The following ESPNL variants were observed in gnomAD, a reference collection of about 807,000 sequenced individuals.
ESPNL encodes espin like.
In ESPNL, 49 loss-of-function variants were observed where a neutral mutation model predicts 46.8. The observed-to-expected ratio is 1.05, with a 90% CI of 0.83 to 1.33. The LOEUF (loss-of-function observed/expected upper bound fraction) is 1.33. Ranked by LOEUF, ESPNL falls within the 40% of genes most tolerant of loss-of-function variation. The pLI is 0.00. For synonymous variants in ESPNL, 664 were observed against 662.1 expected (o/e 1.00, Z -0.04); for missense variants, 1,540 against 1,436.6 (o/e 1.07, Z -1.16).
At chr2:238,118,792 GGT>G (rs1691896392) in intron 5 of ESPNL, among the ~76,000 whole-genome samples, 1 of 103,144 alleles carries the variant, frequency 9.7e-6, no homozygotes, top group Non-Finnish European at 2.0e-5. Flanking sequence ...GATGGAGGAG[GGT>G]GGATGGAGGA....
chr2:238,103,982 G>T (rs1691540294), intron 2 of ESPNL, among the ~76,000 whole-genome samples: 1 of 152,204 alleles, frequency 6.6e-6, no homozygotes. Flanking sequence ...CCCTCTGCCA[G>T]CTGAGGCCTG....
At position 238,130,620 on chromosome 2, in the gene ESPNL, C is replaced by T. The variant is rs577017892; in HGVS notation, c.1906C>T (p.Pro636Ser). Residue 636 changes from proline to serine, a missense_variant, in exon 9 of 9, where the codon CCC (proline) becomes TCC (serine). Physicochemically the swap from Pro to Ser is moderately conservative, Grantham distance 74. Transcript: ENST00000343063. ...CACCTGCAGGGAGGCCTCGGCCAGC[C>T]CCCCTCGGAGCGAGGCCCAGCGCCA... ...QDTCREASAS[P>S]PRSEAQRQIQ... 87 of 1,563,382 alleles carry T rather than the reference C, an allele frequency of 5.6e-5. No individual in the cohort carries two copies. In the African/African-American group the frequency reaches 1.1e-3, roughly 19 times the overall value.
chr2:238,116,855 A>G, intron 4 of ESPNL, 48 bp from the exon 5 acceptor site: 1 of 1,599,854 alleles, frequency 6.3e-7, no homozygotes, highest in South Asian at 1.1e-5. Flanking sequence ...TCCCATGGGC[A>G]CCTGGTTTGT....
Position 238,112,964 on chromosome 2 carries a change from G to A in ESPNL, c.856-3939G>A, listed in dbSNP as rs956312887. On this transcript the variant is annotated intron_variant, in intron 4 of 8. Transcript: ENST00000343063. ...AGACTGTAGAGTTTGCAGACTGTTC[G>A]CTACATGTCCATTATGTCATTGTGT... Among the ~76,000 whole-genome samples the A allele has an allele frequency of 3.5e-4, 54 of 152,264 alleles. 1 individual carries two copies. The highest frequency in any genetic ancestry group is 1.0e-3 in the African/African-American group (43 of 41,564).
In ESPNL at chr2:238,116,077, T is replaced by G. The variant is rs1393209726; in HGVS notation, c.856-826T>G. ...CATTTGGGTCAAAGGCACAGTTTTGTGAACACAGCGTTCGCCTAACTCGAG... is the reference window on the plus strand; with the variant it reads ...CATTTGGGTCAAAGGCACAGTTTTGGGAACACAGCGTTCGCCTAACTCGAG... On this transcript the variant is annotated intron_variant, in intron 4 of 8. Transcript: ENST00000343063. 3.9e-5 allele frequency among the ~76,000 whole-genome samples: 6 copies of G among 152,266 alleles called. No homozygotes were observed. In the East Asian group the frequency reaches 1.2e-3, roughly 29 times the overall value.
intron 6 of ESPNL, among the ~76,000 whole-genome samples, 163 bp downstream of exon 6, chr2:238,125,547 G>A (rs1260340325): frequency 6.6e-6 from 1 of 152,256 alleles, no homozygotes; most frequent in Non-Finnish European, 1.5e-5. Flanking sequence ...ACTGTCTTTG[G>A]TGCTTTGGAA....
At chr2:238,128,653 C>T in intron 7 of ESPNL, 54 bp from the exon 8 acceptor site, 3 of 1,516,436 alleles carry the variant, frequency 2.0e-6, no homozygotes, top group East Asian at 2.5e-5. Context: ...ATCTTCCCTC[C>T]ACTCAGGGCC....
intron 6 of ESPNL, among the ~76,000 whole-genome samples, chr2:238,126,853 TTG>T (rs1368804784): frequency 2.0e-5 from 3 of 150,172 alleles, no homozygotes; most frequent in South Asian, 2.1e-4. Context: ...CTGTGTGTGA[TTG>T]TGTCTGCGTG....
intron 5 of ESPNL, among the ~76,000 whole-genome samples, chr2:238,123,736 T>G (rs1027276955): frequency 6.6e-6 from 1 of 152,130 alleles, no homozygotes; most frequent in Non-Finnish European, 1.5e-5. Flanking sequence ...TCTGAGGGCC[T>G]CCGGGGCTGG....
chr2:238,104,938 TG>T, intron 3 of ESPNL, 96 bp downstream of exon 3: 2 of 1,129,810 alleles, frequency 1.8e-6, no homozygotes, highest in Non-Finnish European at 2.4e-6. Context: ...CAGAGGGAAC[TG>T]GGGACACGCA....
At position 238,132,807 on chromosome 2, in the gene ESPNL, C is replaced by G. The variant is rs1692373202; in HGVS notation, c.*1075C>G. ...CTCTGGGGCTGAGGAGGGCTGGGCC[C>G]AAGCCCACAGGGACTTTGGAGGTGG... On this transcript the variant is annotated 3_prime_UTR_variant, in exon 9 of 9. Coordinates refer to ENST00000343063, the MANE Select transcript of ESPNL (RefSeq NM_194312.4). The G allele has an allele frequency of 6.6e-6, 1 of 152,340 alleles. No individual in the cohort carries two copies. The allele number at this position is 152,340 out of a possible 1,614,324, so 9.4% of individuals were successfully genotyped here.
At chr2:238,125,238 G>T in intron 5 of ESPNL, 32 bp from the exon 6 acceptor site, 3 of 1,089,340 alleles carry the variant, frequency 2.8e-6, no homozygotes, top group Non-Finnish European at 3.9e-6. Context: ...GCCCACGGGG[G>T]TCCCCCACTG....
rs1372868504 is a variant in ESPNL, at chr2:238,130,139, G to A, written c.1425G>A (p.Gly475=). ...CTTCCTGTGCCCAGGACAATGGTGG[G>A]AGCTCAGGCCCCACGGAGCAGGCGG... ...ESSAEAQDNG[G]SSGPTEQAAW... Residue 475 remains glycine, a synonymous_variant, in exon 9 of 9, where the codon GGG becomes GGA. Transcript: ENST00000343063. The A allele has an allele frequency of 6.2e-7, 1 of 1,609,854 alleles. No individual in the cohort carries two copies.
chr2:238,125,257 C>T lies in ESPNL; in HGVS notation c.988-13C>T. 1 of 1,405,840 alleles carries T rather than the reference C, an allele frequency of 7.1e-7. No homozygotes were observed. The highest frequency in any genetic ancestry group is 9.6e-7 in the Non-Finnish European group (1 of 1,039,262). 87.1% of individuals were successfully genotyped at this position (1,405,840 alleles called of 1,614,324 possible). The stretch of plus-strand genomic sequence containing the variant: ...ACGGGGGTCCCCCACTGACCAGGCC[C>T]ATTCACCCACAGGTGCCCCTGCTGA... On this transcript the variant is annotated splice_polypyrimidine_tract_variant and intron_variant, in intron 5 of 8. Coordinates refer to ENST00000343063, the MANE Select transcript of ESPNL (RefSeq NM_194312.4).
chr2:238,102,812 C>T (rs571505516), intron 2 of ESPNL, among the ~76,000 whole-genome samples: 3 of 152,184 alleles, frequency 2.0e-5, no homozygotes, highest in Non-Finnish European at 2.9e-5. Flanking sequence ...TGGCTGAGGG[C>T]GAACCTTCCT....
intron 8 of ESPNL, among the ~76,000 whole-genome samples, 170 bp from the exon 9 acceptor site, chr2:238,129,958 G>A (rs1184011908): frequency 6.6e-6 from 1 of 152,258 alleles, no homozygotes; most frequent in Non-Finnish European, 1.5e-5. Flanking sequence ...AGCAAGACGG[G>A]CAGAGCAGGT....
chr2:238,123,941 AGCCTG>A (rs1019710971), intron 5 of ESPNL, among the ~76,000 whole-genome samples: 6 of 152,262 alleles, frequency 3.9e-5, no homozygotes, highest in African/African-American at 1.2e-4. Flanking sequence ...GCTGGGAGGC[AGCCTG>A]TGCCACCTTG....
Position 238,107,966 on chromosome 2 carries a change from A to G in ESPNL, c.848A>G (p.Gln283Arg). 3 of 1,611,284 alleles carry G rather than the reference A, an allele frequency of 1.9e-6. No homozygotes were observed. The South Asian group carries it at 3.3e-5, about 18-fold the overall frequency. The change falls in exon 4 of 9, where the codon CAG becomes CGG. Residue 283 changes from glutamine (Q) to arginine (R), a missense_variant. Transcript: ENST00000343063. ...TPLHDAAENG[Q>R]MECCQTLVSH... is the part of the protein sequence containing the mutation. ...CTCCACGACGCAGCAGAGAACGGGCAGATGGAGGTAAGGTGGGCGTGAGGG... is the reference window on the plus strand; with the variant it reads ...CTCCACGACGCAGCAGAGAACGGGCGGATGGAGGTAAGGTGGGCGTGAGGG...
intron 4 of ESPNL, among the ~76,000 whole-genome samples, chr2:238,110,894 G>A (rs1253320517): frequency 6.6e-6 from 1 of 151,942 alleles, no homozygotes; most frequent in Non-Finnish European, 1.5e-5. Context: ...CCTCTAAAGA[G>A]GAATGATGGT....
Sources: gnomAD v4.1 joint callset for allele counts (sites outside exome capture counted in the v4.1 genomes callset) on GRCh38, gnomAD v4.1.1 for gene constraint, MANE v1.5 for transcripts, NCBI Gene and HGNC (gene_info 2026-07-23, HGNC 2026-07-21) for gene names.